Variants in LYPLA1 observed in about 807,000 individuals in gnomAD.
LYPLA1 encodes the protein lysophospholipase 1.
Under a neutral mutation model 34.0 loss-of-function variants are expected in LYPLA1, and 17 were observed. The ratio of observed to expected loss-of-function variants is 0.50; its 90% CI spans 0.34 to 0.75. LYPLA1 has a LOEUF of 0.75. Ranked by LOEUF, LYPLA1 falls within the 30% of genes least tolerant of loss-of-function variation. The pLI, the probability that LYPLA1 is intolerant of heterozygous loss-of-function variation, is 0.01. For missense variants in LYPLA1, 203 were observed against 288.8 expected (o/e 0.70, Z 2.15); for synonymous variants, 98 against 100.8 (o/e 0.97, Z 0.17).
chr8:54,065,875 G>T, intron 2 of LYPLA1, 62 bp from the exon 3 acceptor site: 1 of 1,029,602 alleles, frequency 9.7e-7, no homozygotes, highest in Non-Finnish European at 1.5e-6. Context: ...TAAGTAAGTA[G>T]CAGAAGAGTA....
At chr8:54,101,627 C>T in intron 1 of LYPLA1, 128 bp downstream of exon 1, 1 of 1,148,146 alleles carries the variant, frequency 8.7e-7, no homozygotes, top group Non-Finnish European at 1.1e-6. Flanking sequence ...CATTCGCACC[C>T]CACCCGGGCC....
At chr8:54,066,260 C>T (rs1163784174) in intron 2 of LYPLA1, among the ~76,000 whole-genome samples, 2 of 152,034 alleles carry the variant, frequency 1.3e-5, no homozygotes, top group East Asian at 1.9e-4. Flanking sequence ...AAAATGTGGG[C>T]CCTCAATACT....
At chr8:54,077,062 C>A (rs1295546070) in intron 2 of LYPLA1, among the ~76,000 whole-genome samples, 1 of 152,042 alleles carries the variant, frequency 6.6e-6, no homozygotes, top group African/African-American at 2.4e-5. Flanking sequence ...CACTGCTATT[C>A]ACAACAGCAA....
At chr8:54,081,614 A>C (rs1808326113) in intron 2 of LYPLA1, among the ~76,000 whole-genome samples, 1 of 151,822 alleles carries the variant, frequency 6.6e-6, no homozygotes, top group Non-Finnish European at 1.5e-5. Context: ...ACAGGGTTTC[A>C]CCATGCTGGT....
rs142505174 is a variant in LYPLA1 at position 54,069,628 on chromosome 8, T to C, written c.102-3815A>G. On this transcript the variant is annotated intron_variant, in intron 2 of 8. Transcript: ENST00000316963. ...CAGAAGCTGAGGCTGGAGAATCATT[T>C]GAACCTGGGAGGCAGAGATTGCAAT... Among the ~76,000 whole-genome samples the C allele has an allele frequency of 2.5e-3, 383 of 152,086 alleles. 2 individuals are homozygous for C. The highest frequency in any genetic ancestry group is 8.8e-3 in the African/African-American group (367 of 41,482).
At chr8:54,080,282 G>T (rs942891402) in intron 2 of LYPLA1, among the ~76,000 whole-genome samples, 2 of 152,082 alleles carry the variant, frequency 1.3e-5, no homozygotes, top group Admixed American at 1.3e-4. Flanking sequence ...GGAGACTGAG[G>T]TGGGAGTTGT....
intron 5 of LYPLA1, among the ~76,000 whole-genome samples, chr8:54,059,299 G>GTTTTTTTTTTTTTTTTT (rs573966934): frequency 3.0e-4 from 34 of 112,696 alleles, no homozygotes; most frequent in Non-Finnish European, 3.1e-4. Context: ...TATTTTCCCT[G>GTTTTTTTTTTTTTTTTT]TTTTTTTTTT....
chr8:54,043,965 C>A (rs960132326), downstream of LYPLA1, among the ~76,000 whole-genome samples: 14 of 152,202 alleles, frequency 9.2e-5, no homozygotes, highest in African/African-American at 3.4e-4. Context: ...GATCTTGGCT[C>A]ACTGCAACCT....
At chr8:54,082,413 A>T (rs2129351826) in intron 2 of LYPLA1, among the ~76,000 whole-genome samples, 1 of 151,340 alleles carries the variant, frequency 6.6e-6, no homozygotes, top group South Asian at 2.1e-4. Context: ...TCCTTTTTTT[A>T]AAAAAAGAAA....
intron 8 of LYPLA1, 24 bp downstream of exon 8, chr8:54,050,988 T>A (rs1241150952): frequency 1.3e-6 from 2 of 1,565,058 alleles, no homozygotes; most frequent in African/African-American, 2.7e-5. Context: ...AATATGGCGC[T>A]GATCACTGCT....
intron 2 of LYPLA1, among the ~76,000 whole-genome samples, chr8:54,092,883 C>A (rs1485545766): frequency 6.6e-6 from 1 of 152,116 alleles, no homozygotes; most frequent in Non-Finnish European, 1.5e-5. Context: ...ATATTATTTC[C>A]ATTTGTTCAT....
intron 5 of LYPLA1, among the ~76,000 whole-genome samples, chr8:54,060,689 C>CT (rs761596145): frequency 0.047 from 5,858 of 123,470 alleles, 239 homozygotes; most frequent in East Asian, 0.078. Context: ...TTTTTTCTTC[C>CT]TTTTTTTTTT....
At chr8:54,086,942 C>T (rs1459798445) in intron 2 of LYPLA1, among the ~76,000 whole-genome samples, 1 of 152,162 alleles carries the variant, frequency 6.6e-6, no homozygotes, top group African/African-American at 2.4e-5. Context: ...TAGGATTATA[C>T]ACCATGACCA....
chr8:54,053,512 T>C (rs1020528108), intron 6 of LYPLA1: 14 of 434,498 alleles, frequency 3.2e-5, no homozygotes, highest in Non-Finnish European at 4.7e-6. Flanking sequence ...GCTGTACTCC[T>C]GCCAGCATCC....
At chr8:54,085,546 C>A (rs1327537113) in intron 2 of LYPLA1, among the ~76,000 whole-genome samples, 1 of 151,748 alleles carries the variant, frequency 6.6e-6, no homozygotes, top group Non-Finnish European at 1.5e-5. Flanking sequence ...CGTCTCTGCC[C>A]GGCCGCCCAT....
chr8:54,069,272 C>T (rs539343580), intron 2 of LYPLA1, among the ~76,000 whole-genome samples: 1 of 152,202 alleles, frequency 6.6e-6, no homozygotes, highest in Non-Finnish European at 1.5e-5. Flanking sequence ...TGCAAAGAAA[C>T]GATAAATGTT....
At chr8:54,096,680 T>C (rs1168816309) in intron 2 of LYPLA1, among the ~76,000 whole-genome samples, 1 of 151,000 alleles carries the variant, frequency 6.6e-6, no homozygotes, top group Admixed American at 6.6e-5. Flanking sequence ...GAGGCAGAGG[T>C]TGCAGTGAGC....
intron 3 of LYPLA1, among the ~76,000 whole-genome samples, chr8:54,064,190 G>A (rs1469655678): frequency 6.6e-6 from 1 of 152,282 alleles, no homozygotes; most frequent in Non-Finnish European, 1.5e-5. Context: ...CGAGGCGGGC[G>A]GATCACCTGA....
intron 2 of LYPLA1, chr8:54,073,298 C>T: frequency 5.6e-6 from 5 of 889,266 alleles, no homozygotes; most frequent in East Asian, 2.4e-5. Context: ...TGTGCCTGCC[C>T]CCTCTCCTTC....
Sources: allele counts gnomAD v4.1 joint callset (sites outside exome capture counted in the v4.1 genomes callset), GRCh38; gene constraint gnomAD v4.1.1; transcripts MANE v1.5; gene names NCBI Gene and HGNC (gene_info 2026-07-23, HGNC 2026-07-21).